The following SH3GL2 variants were observed in gnomAD, a reference collection of about 807,000 sequenced individuals.
The protein encoded by SH3GL2 is SH3 domain containing GRB2 like 2, endophilin A1.
In SH3GL2, 24 loss-of-function variants were observed where a neutral mutation model predicts 46.0. The ratio of observed to expected loss-of-function variants is 0.52; its 90% CI spans 0.38 to 0.73. The LOEUF (loss-of-function observed/expected upper bound fraction) is 0.73, where lower values mean the gene tolerates loss of function less well. SH3GL2 is among the 30% of genes least tolerant of loss of function. The probability of loss-of-function intolerance (pLI) is 0.00; values close to 1 mark genes in which losing one functional copy is unlikely to be tolerated. For missense variants in SH3GL2, 413 were observed against 424.2 expected, an observed-to-expected ratio of 0.97 and a Z score of 0.23; for synonymous variants, 196 against 147.1, an observed-to-expected ratio of 1.33 and a Z score of -2.40.
At chr9:17,629,353 C>T (rs1459225038) in intron 1 of SH3GL2, among the ~76,000 whole-genome samples, 1 of 152,112 alleles carries the variant, frequency 6.6e-6, no homozygotes, top group African/African-American at 2.4e-5. Context: ...CTGTGAGATC[C>T]ATGCAGCTTG....
At chr9:17,690,351 C>T (rs1375966626) in intron 1 of SH3GL2, among the ~76,000 whole-genome samples, 1 of 152,116 alleles carries the variant, frequency 6.6e-6, no homozygotes, top group Non-Finnish European at 1.5e-5. Flanking sequence ...TTTATGGACT[C>T]CTCCAAGCTT....
chr9:17,720,229 C>G (rs1821860892), intron 1 of SH3GL2, among the ~76,000 whole-genome samples: 1 of 152,084 alleles, frequency 6.6e-6, no homozygotes, highest in African/African-American at 2.4e-5. Flanking sequence ...CATCTTATGC[C>G]TCTTTACAGA....
At position 17,712,297 on chromosome 9, in the gene SH3GL2, A is replaced by G. The variant is rs79187072; in HGVS notation, c.46-34769A>G. ...CCTAACAGTGTCTTCTGGGGAGCAG[A>G]ATATTTTAATTTTGATAAAAATCTA... On this transcript the variant is annotated intron_variant, in intron 1 of 8. Transcript: ENST00000380607. Among the ~76,000 whole-genome samples, 927 of 151,940 alleles carry G rather than the reference A, an allele frequency of 6.1e-3. 29 individuals carry two copies. The East Asian group carries it at 0.079, about 13-fold the overall frequency.
At chr9:17,695,885 C>G (rs750142727) in intron 1 of SH3GL2, among the ~76,000 whole-genome samples, 11 of 152,076 alleles carry the variant, frequency 7.2e-5, no homozygotes, top group Non-Finnish European at 1.0e-4. Flanking sequence ...CATTTCTTAG[C>G]TCTGACCTTA....
intron 1 of SH3GL2, among the ~76,000 whole-genome samples, chr9:17,595,799 C>A (rs1426215433): frequency 6.6e-6 from 1 of 151,920 alleles, no homozygotes; most frequent in South Asian, 2.1e-4. Context: ...ATGTAGTAAG[C>A]CTGATATTGT....
At chr9:17,670,307 GAA>G in intron 1 of SH3GL2, among the ~76,000 whole-genome samples, 1 of 152,296 alleles carries the variant, frequency 6.6e-6, no homozygotes, top group East Asian at 1.9e-4. Context: ...CTCTTTGTTA[GAA>G]AATAAGTAAT....
At chr9:17,592,604 T>C (rs917669449) in intron 1 of SH3GL2, among the ~76,000 whole-genome samples, 1 of 152,166 alleles carries the variant, frequency 6.6e-6, no homozygotes, top group African/African-American at 2.4e-5. Flanking sequence ...ATTCTAACAA[T>C]ACCCTGAGAT....
chr9:17,601,457 T>G (rs995633346), intron 1 of SH3GL2, among the ~76,000 whole-genome samples: 47 of 152,210 alleles, frequency 3.1e-4, no homozygotes, highest in African/African-American at 4.8e-4. Flanking sequence ...AACTGTGTGT[T>G]TGTGCGTGCC....
At chr9:17,616,236 T>A (rs1279266543) in intron 1 of SH3GL2, among the ~76,000 whole-genome samples, 2 of 152,198 alleles carry the variant, frequency 1.3e-5, no homozygotes, top group Non-Finnish European at 2.9e-5. Context: ...TCAGATTTGT[T>A]TATAAAAGAA....
At chr9:17,776,090 G>A (rs1414959954) in intron 3 of SH3GL2, among the ~76,000 whole-genome samples, 1 of 151,972 alleles carries the variant, frequency 6.6e-6, no homozygotes, top group African/African-American at 2.4e-5. Flanking sequence ...GGGTGCGGAG[G>A]GCAGAATCAC....
At chr9:17,638,105 C>T (rs563956852) in intron 1 of SH3GL2, among the ~76,000 whole-genome samples, 22 of 151,298 alleles carry the variant, frequency 1.5e-4, no homozygotes, top group African/African-American at 4.1e-4. Flanking sequence ...TGCAGTGAGC[C>T]GAGATCGCGC....
intron 1 of SH3GL2, among the ~76,000 whole-genome samples, chr9:17,746,113 C>T (rs573543366): frequency 9.9e-5 from 15 of 152,230 alleles, no homozygotes; most frequent in East Asian, 1.9e-4. Flanking sequence ...GTCTCGCTGT[C>T]GCCCAGGCTG....
chr9:17,743,812 CT>C (rs1230540811), intron 1 of SH3GL2, among the ~76,000 whole-genome samples: 3 of 152,126 alleles, frequency 2.0e-5, no homozygotes, highest in African/African-American at 7.2e-5. Context: ...GATGTAGGCC[CT>C]TGTGCTTTTG....
At chr9:17,623,051 C>CTTTCCTTTCCTTTCCTTT (rs1478196398) in intron 1 of SH3GL2, among the ~76,000 whole-genome samples, 2 of 94,930 alleles carry the variant, frequency 2.1e-5, no homozygotes, top group African/African-American at 3.7e-5. Flanking sequence ...CTTCCCCTTC[C>CTTTCCTTTCCTTTCCTTT]CCTTCCCCTT....
intron 1 of SH3GL2, among the ~76,000 whole-genome samples, chr9:17,691,666 G>A (rs1338007815): frequency 2.6e-5 from 4 of 152,140 alleles, no homozygotes; most frequent in Admixed American, 2.6e-4. Context: ...TCAAAAAATT[G>A]ATGGGATTTG....
chr9:17,680,771 C>G (rs936405673), intron 1 of SH3GL2, among the ~76,000 whole-genome samples: 1 of 152,052 alleles, frequency 6.6e-6, no homozygotes, highest in Non-Finnish European at 1.5e-5. Context: ...GCATTTAGTG[C>G]TATAAATTTC....
At chr9:17,783,788 T>C (rs1331914443) in intron 3 of SH3GL2, among the ~76,000 whole-genome samples, 1 of 152,108 alleles carries the variant, frequency 6.6e-6, no homozygotes, top group Non-Finnish European at 1.5e-5. Flanking sequence ...AGAAGTAGAT[T>C]CATGGGTTTG....
intron 1 of SH3GL2, among the ~76,000 whole-genome samples, chr9:17,698,160 G>C (rs1297950006): frequency 2.0e-5 from 3 of 152,218 alleles, no homozygotes; most frequent in African/African-American, 7.2e-5. Context: ...TGGATAGGAA[G>C]ACTTTGCAGT....
rs149220195 is a variant in SH3GL2, at chr9:17,726,973, A to G, written c.46-20093A>G. ...CTACAAGGCATAGATTCCAGGGAAA[A>G]CTGTCACTCATGAGCAGCAGGAGAC... On this transcript the variant is annotated intron_variant, in intron 1 of 8. Coordinates refer to ENST00000380607, the MANE Select transcript of SH3GL2 (RefSeq NM_003026.5). Among the ~76,000 whole-genome samples, 847 of 152,258 alleles carry G rather than the reference A, an allele frequency of 5.6e-3. 5 individuals carry two copies. The highest frequency in any genetic ancestry group is 0.02 in the African/African-American group (813 of 41,562).
Sources: allele counts gnomAD v4.1 joint callset (sites outside exome capture counted in the v4.1 genomes callset), GRCh38; gene constraint gnomAD v4.1.1; transcripts MANE v1.5; gene names NCBI Gene and HGNC (gene_info 2026-07-23, HGNC 2026-07-21).